Variants in ERO1A observed in about 807,000 individuals in gnomAD.
The protein encoded by ERO1A is endoplasmic reticulum oxidoreductase 1 alpha, also known as ERO1-like protein alpha.
A neutral mutation model predicts 76.9 loss-of-function variants in ERO1A; 49 were observed. That is an observed-to-expected ratio of 0.64 (90% CI 0.51 to 0.81). ERO1A has a LOEUF of 0.81. Ranked by LOEUF, ERO1A falls within the 30% of genes least tolerant of loss-of-function variation. The pLI, the probability that ERO1A is intolerant of heterozygous loss-of-function variation, is 0.00. For missense variants in ERO1A, 448 were observed against 542.1 expected (o/e 0.83, Z 1.72); for synonymous variants, 174 against 181.2 (o/e 0.96, Z 0.32).
At chr14:52,689,503 C>CA (rs925669877) in intron 1 of ERO1A, among the ~76,000 whole-genome samples, 5 of 149,050 alleles carry the variant, frequency 3.4e-5, no homozygotes, top group Admixed American at 1.3e-4. Context: ...ATGAACTATC[C>CA]AAAAAAAAAT....
chr14:52,658,737 T>A (rs1262861346), intron 9 of ERO1A, among the ~76,000 whole-genome samples: 1 of 152,120 alleles, frequency 6.6e-6, no homozygotes, highest in Non-Finnish European at 1.5e-5. Context: ...AATGCCTAAA[T>A]TAACATGATA....
intron 3 of ERO1A, among the ~76,000 whole-genome samples, chr14:52,682,037 T>C (rs1245339423): frequency 6.6e-6 from 1 of 152,188 alleles, no homozygotes; most frequent in African/African-American, 2.4e-5. Flanking sequence ...AACATATAAA[T>C]ATTGAATGTT....
intron 4 of ERO1A, among the ~76,000 whole-genome samples, chr14:52,675,363 C>A (rs1347384793): frequency 1.4e-5 from 2 of 146,058 alleles, no homozygotes; most frequent in African/African-American, 5.1e-5. Flanking sequence ...AGACTGTGGA[C>A]AACAAGAGCA....
intron 4 of ERO1A, among the ~76,000 whole-genome samples, chr14:52,675,800 A>G (rs1455824541): frequency 6.6e-6 from 1 of 151,728 alleles, no homozygotes; most frequent in Non-Finnish European, 1.5e-5. Flanking sequence ...ATGGCTGGCT[A>G]ATTTTTGTAG....
chr14:52,646,115 A>G, intron 15 of ERO1A, 39 bp downstream of exon 15: 3 of 1,579,990 alleles, frequency 1.9e-6, no homozygotes, highest in Non-Finnish European at 2.6e-6. Context: ...CATTAGACTT[A>G]CTTGGCTACC....
intron 15 of ERO1A, among the ~76,000 whole-genome samples, chr14:52,645,478 G>T (rs1184463521): frequency 1.3e-5 from 2 of 151,108 alleles, no homozygotes; most frequent in Non-Finnish European, 3.0e-5. Flanking sequence ...AATTTTTTTT[G>T]ATTTTAGTAG....
rs1411298147 is a variant in ERO1A at position 52,643,138 on chromosome 14, A to T, written c.*432T>A. 1 of 152,578 alleles carries T rather than the reference A, an allele frequency of 6.6e-6. No homozygotes were observed. Among genetic ancestry groups the T allele is most frequent in the African/African-American group, 2.4e-5 (1 of 41,490 alleles). The allele number at this position is 152,578 out of a possible 1,614,324, so 9.5% of individuals were successfully genotyped here. A position where few individuals can be genotyped will look rare whatever the true frequency, so the allele number is the denominator to read the frequency against. ...TATTTGCTAAATCCAGCAACCCTAAATGTACTGAAAAATTCTACGTTGGTA... is the reference window on the plus strand; with the variant it reads ...TATTTGCTAAATCCAGCAACCCTAATTGTACTGAAAAATTCTACGTTGGTA... On this transcript the variant is annotated 3_prime_UTR_variant, in exon 16 of 16. Transcript: ENST00000395686.
At chr14:52,694,612 A>T (rs937360987) in intron 1 of ERO1A, among the ~76,000 whole-genome samples, 1 of 152,144 alleles carries the variant, frequency 6.6e-6, no homozygotes, top group African/African-American at 2.4e-5. Context: ...ACATTGAAAT[A>T]CTAGATACTG....
chr14:52,689,755 T>C (rs2041294660), intron 1 of ERO1A, among the ~76,000 whole-genome samples: 1 of 152,076 alleles, frequency 6.6e-6, no homozygotes, highest in Non-Finnish European at 1.5e-5. Context: ...AAAACTCCAA[T>C]GGCATTTTTC....
At chr14:52,657,796 G>A (rs917628404) in intron 11 of ERO1A, 121 bp downstream of exon 11, 10 of 637,510 alleles carry the variant, frequency 1.6e-5, no homozygotes, top group Non-Finnish European at 2.7e-5. Context: ...ATTTAAGAGT[G>A]AATTTTTACT....
chr14:52,689,941 C>A, intron 1 of ERO1A, among the ~76,000 whole-genome samples: 1 of 151,994 alleles, frequency 6.6e-6, no homozygotes, highest in African/African-American at 2.4e-5. Context: ...ATACATAGAC[C>A]AATGGAAAAC....
intron 6 of ERO1A, among the ~76,000 whole-genome samples, chr14:52,671,394 G>A (rs1425545627): frequency 6.6e-6 from 1 of 151,976 alleles, no homozygotes; most frequent in Non-Finnish European, 1.5e-5. Flanking sequence ...GGTTTTTGAA[G>A]AACCGCCAAA....
intron 9 of ERO1A, among the ~76,000 whole-genome samples, chr14:52,659,667 G>A (rs2139671056): frequency 6.6e-6 from 1 of 151,320 alleles, no homozygotes; most frequent in South Asian, 2.1e-4. Context: ...GGGGATGGTG[G>A]GATTATAAGG....
intron 3 of ERO1A, among the ~76,000 whole-genome samples, chr14:52,680,700 T>C (rs950477792): frequency 1.3e-5 from 2 of 152,232 alleles, no homozygotes; most frequent in Admixed American, 6.5e-5. Flanking sequence ...ATGTTTACAC[T>C]GTTAATATCA....
intron 1 of ERO1A, among the ~76,000 whole-genome samples, chr14:52,685,330 T>C (rs374996837): frequency 1.2e-4 from 18 of 152,370 alleles, no homozygotes; most frequent in African/African-American, 4.3e-4. Context: ...TATTTTGTCA[T>C]GTAATAACTA....
intron 15 of ERO1A, among the ~76,000 whole-genome samples, chr14:52,644,509 A>T (rs931242668): frequency 2.0e-5 from 3 of 152,228 alleles, no homozygotes; most frequent in African/African-American, 4.8e-5. Context: ...TTAATATTAA[A>T]GTATATAGTA....
Position 52,640,580 on chromosome 14 carries a change from G to A in ERO1A, c.*2990C>T, listed in dbSNP as rs2139599582. ...AACACTGTCAGAGTGCTTCTAGAAA[G>A]CCTGCTGTGGTAACATTGAGCAACA... On this transcript the variant is annotated 3_prime_UTR_variant, in exon 16 of 16. Transcript: ENST00000395686. 6.6e-6 allele frequency: 1 copy of A among 152,370 alleles called. No individual in the cohort carries two copies. The highest frequency in any genetic ancestry group is 1.5e-5 in the Non-Finnish European group (1 of 68,076). The allele number at this position is 152,370 out of a possible 1,614,324, so 9.4% of individuals were successfully genotyped here. A position where few individuals can be genotyped will look rare whatever the true frequency, so the allele number is the denominator to read the frequency against.
intron 9 of ERO1A, among the ~76,000 whole-genome samples, chr14:52,660,236 T>C (rs1478261117): frequency 6.6e-6 from 1 of 152,256 alleles, no homozygotes; most frequent in African/African-American, 2.4e-5. Flanking sequence ...GAATAACCCT[T>C]TGATATTTGG....
At chr14:52,647,061 T>C (rs112779434) in intron 13 of ERO1A, 8,973 of 131,170 alleles carry the variant, frequency 0.068, 923 homozygotes, top group African/African-American at 0.23. Flanking sequence ...CTGCAAGCTC[T>C]GCCTCCCAGG....
Sources: gnomAD v4.1 joint callset for allele counts (sites outside exome capture counted in the v4.1 genomes callset) on GRCh38, gnomAD v4.1.1 for gene constraint, MANE v1.5 for transcripts, NCBI Gene and HGNC (gene_info 2026-07-23, HGNC 2026-07-21) for gene names.